Variants in SCHIP1 observed in about 807,000 individuals in gnomAD.
SCHIP1 encodes the protein schwannomin interacting protein 1, also known as schwannomin-interacting protein 1.
Under a neutral mutation model 29.7 loss-of-function variants are expected in SCHIP1, and 8 were observed. That is an observed-to-expected ratio of 0.27 (90% CI 0.16 to 0.49). The LOEUF (loss-of-function observed/expected upper bound fraction) is 0.49. Among genes scored for constraint, SCHIP1 ranks in the 20% least tolerant of loss-of-function variants. SCHIP1 has a pLI of 0.99. For synonymous variants in SCHIP1, 76 were observed against 94.9 expected (o/e 0.80, Z 1.16); for missense variants, 193 against 294.6 (o/e 0.66, Z 2.52).
chr3:159,403,405 GT>G, the SCHIP1 span, among the ~76,000 whole-genome samples: 1 of 151,946 alleles, frequency 6.6e-6, no homozygotes, highest in Non-Finnish European at 1.5e-5. Flanking sequence ...AGAAAAAACA[GT>G]CTCGAATTGT....
chr3:159,887,875 G>A, exon 4 of SCHIP1: 1 of 1,613,986 alleles, frequency 6.2e-7, no homozygotes, highest in Non-Finnish European at 8.5e-7. Context: ...TGGAGAAACA[G>A]AACAGGAAAA....
intron 2 of SCHIP1, among the ~76,000 whole-genome samples, chr3:159,868,312 T>A (rs892695720): frequency 2.0e-5 from 3 of 151,954 alleles, no homozygotes; most frequent in Non-Finnish European, 4.4e-5. Flanking sequence ...TACCTACATA[T>A]CTCTAAATAA....
the SCHIP1 span, among the ~76,000 whole-genome samples, chr3:159,454,529 G>A: frequency 2.0e-5 from 3 of 152,166 alleles, no homozygotes; most frequent in Non-Finnish European, 4.4e-5. Flanking sequence ...ACCAGATCTT[G>A]GTGTCCCCAG....
chr3:159,578,583 G>A, the SCHIP1 span, among the ~76,000 whole-genome samples: 2 of 152,132 alleles, frequency 1.3e-5, no homozygotes, highest in African/African-American at 2.4e-5. Flanking sequence ...ATTAGTTCTA[G>A]AGATCAGAAA....
the SCHIP1 span, among the ~76,000 whole-genome samples, chr3:159,775,980 G>A: frequency 6.6e-6 from 1 of 152,190 alleles, no homozygotes; most frequent in African/African-American, 2.4e-5. Context: ...TGTTTTTAAT[G>A]TCAAGTCCAG....
chr3:159,828,685 T>TA, the SCHIP1 span, among the ~76,000 whole-genome samples: 1 of 152,030 alleles, frequency 6.6e-6, no homozygotes, highest in Non-Finnish European at 1.5e-5. Flanking sequence ...AGTACTCTAT[T>TA]AACCTGGTTT....
the SCHIP1 span, among the ~76,000 whole-genome samples, chr3:159,707,633 T>A: frequency 6.6e-6 from 1 of 152,220 alleles, no homozygotes; most frequent in Non-Finnish European, 1.5e-5. Flanking sequence ...TAGTAGGTAG[T>A]GTGAACCATG....
At chr3:159,406,856 A>C in the SCHIP1 span, among the ~76,000 whole-genome samples, 2 of 152,280 alleles carry the variant, frequency 1.3e-5, no homozygotes, top group African/African-American at 4.8e-5. Context: ...TATTTGCAAT[A>C]CTCATGGTAA....
At chr3:159,377,244 A>G in the SCHIP1 span, among the ~76,000 whole-genome samples, 1 of 152,156 alleles carries the variant, frequency 6.6e-6, no homozygotes, top group Non-Finnish European at 1.5e-5. Context: ...TTAGTTTCCA[A>G]TCAAGACTGG....
chr3:159,661,202 C>A, the SCHIP1 span, among the ~76,000 whole-genome samples: 1 of 152,150 alleles, frequency 6.6e-6, no homozygotes, highest in Admixed American at 6.5e-5. Flanking sequence ...AGTCAGAAAG[C>A]AACTCCTTTC....
chr3:159,468,725 TATATATAATATAATATATA>T, the SCHIP1 span, among the ~76,000 whole-genome samples: 14 of 144,740 alleles, frequency 9.7e-5, no homozygotes, highest in East Asian at 2.6e-3. Context: ...GTTTTATATA[TATATATAATATAATATATA>T]ATATATAATA....
At chr3:159,396,522 A>T in the SCHIP1 span, among the ~76,000 whole-genome samples, 2 of 147,656 alleles carry the variant, frequency 1.4e-5, no homozygotes, top group Non-Finnish European at 3.0e-5. Flanking sequence ...CCTGGTGGTG[A>T]CAAAATCTCT....
chr3:159,409,372 A>G, the SCHIP1 span, among the ~76,000 whole-genome samples: 1 of 152,186 alleles, frequency 6.6e-6, no homozygotes, highest in African/African-American at 2.4e-5. Flanking sequence ...ATATGATTTC[A>G]TATTTGTAAA....
chr3:159,739,944 C>A, the SCHIP1 span, among the ~76,000 whole-genome samples: 1 of 152,216 alleles, frequency 6.6e-6, no homozygotes, highest in African/African-American at 2.4e-5. Flanking sequence ...CATTTCAGTA[C>A]AAATGTTACT....
the SCHIP1 span, among the ~76,000 whole-genome samples, chr3:159,623,807 C>T: frequency 1.3e-5 from 2 of 151,674 alleles, no homozygotes; most frequent in African/African-American, 4.9e-5. Context: ...CCTAGGATCA[C>T]ATTTAAGCTC....
chr3:159,687,042 C>A, the SCHIP1 span, among the ~76,000 whole-genome samples: 479 of 152,264 alleles, frequency 3.1e-3, no homozygotes, highest in African/African-American at 0.011. Context: ...AACTATAAGA[C>A]TTCTTTATGT....
At chr3:159,793,213 A>G in the SCHIP1 span, among the ~76,000 whole-genome samples, 1 of 152,100 alleles carries the variant, frequency 6.6e-6, no homozygotes, top group African/African-American at 2.4e-5. Flanking sequence ...GGACCCTAGC[A>G]TTAGTGTGTG....
chr3:159,593,741 GA>G, the SCHIP1 span, among the ~76,000 whole-genome samples: 2 of 152,192 alleles, frequency 1.3e-5, no homozygotes, highest in African/African-American at 4.8e-5. Context: ...ACCATGTTTG[GA>G]ATGCTGGGCC....
chr3:159,494,532 C>A, the SCHIP1 span, among the ~76,000 whole-genome samples: 4 of 152,304 alleles, frequency 2.6e-5, no homozygotes, highest in Non-Finnish European at 5.9e-5. Context: ...TCGACACATA[C>A]ACCCTCTCAA....
Sources: allele counts gnomAD v4.1 joint callset (sites outside exome capture counted in the v4.1 genomes callset), GRCh38; gene constraint gnomAD v4.1.1; transcripts MANE v1.5; gene names NCBI Gene and HGNC (gene_info 2026-07-23, HGNC 2026-07-21).